The following CLVS1 variants were observed in gnomAD, a reference collection of about 807,000 sequenced individuals.
CLVS1 encodes clavesin 1.
CLVS1 carries 10 observed loss-of-function variants against 33.1 expected under a neutral mutation model. That is an observed-to-expected ratio of 0.30 (90% CI 0.19 to 0.51). The LOEUF is 0.51. Ranked by LOEUF, CLVS1 falls within the 20% of genes least tolerant of loss-of-function variation. The probability of loss-of-function intolerance (pLI) is 0.97; values close to 1 mark genes in which losing one functional copy is unlikely to be tolerated. For synonymous variants in CLVS1, 163 were observed against 166.1 expected, an observed-to-expected ratio of 0.98 and a Z score of 0.14; for missense variants, 343 against 433.4, an observed-to-expected ratio of 0.79 and a Z score of 1.85.
chr8:60,969,479 G>A, the CLVS1 span, among the ~76,000 whole-genome samples: 1 of 152,130 alleles, frequency 6.6e-6, no homozygotes, highest in Non-Finnish European at 1.5e-5. Context: ...TACGATCTCT[G>A]TTTTAATATT....
chr8:61,415,003 G>A (rs1585938176), intron 3 of CLVS1, among the ~76,000 whole-genome samples: 2 of 152,344 alleles, frequency 1.3e-5, no homozygotes, highest in South Asian at 4.1e-4. Flanking sequence ...GCCATTTGAG[G>A]TTGGGAAATG....
intron 2 of CLVS1, among the ~76,000 whole-genome samples, chr8:61,351,412 T>G (rs1812456413): frequency 1.3e-5 from 2 of 151,966 alleles, no homozygotes; most frequent in Admixed American, 1.3e-4. Context: ...GAAAATATAC[T>G]GGAAAAGTAA....
chr8:61,283,760 T>A (rs1328637373), upstream of CLVS1, among the ~76,000 whole-genome samples: 1 of 152,208 alleles, frequency 6.6e-6, no homozygotes, highest in Non-Finnish European at 1.5e-5. Context: ...GTTTATTTAT[T>A]ATTGAAGCAC....
At chr8:61,494,568 C>T (rs2129608748) in intron 5 of CLVS1, among the ~76,000 whole-genome samples, 1 of 152,240 alleles carries the variant, frequency 6.6e-6, no homozygotes, top group African/African-American at 2.4e-5. Flanking sequence ...GTGATCTGGA[C>T]AACAAAGCCT....
chr8:61,400,674 A>G (rs574466065), intron 3 of CLVS1, among the ~76,000 whole-genome samples: 12 of 152,044 alleles, frequency 7.9e-5, no homozygotes, highest in Non-Finnish European at 1.3e-4. Context: ...TGGCTTTTTC[A>G]TATATGGCTC....
At chr8:61,162,478 GC>G (rs1476356603) in intron 2 of CLVS1, among the ~76,000 whole-genome samples, 1 of 152,136 alleles carries the variant, frequency 6.6e-6, no homozygotes, top group Non-Finnish European at 1.5e-5. Flanking sequence ...TGAAAAACCA[GC>G]AAAAATGGGA....
the CLVS1 span, among the ~76,000 whole-genome samples, chr8:60,992,481 G>A: frequency 6.6e-6 from 1 of 152,242 alleles, no homozygotes; most frequent in Non-Finnish European, 1.5e-5. Context: ...AGACGTGGAT[G>A]AGACGTAAAC....
intron 2 of CLVS1, among the ~76,000 whole-genome samples, chr8:61,235,973 C>A (rs2931352): frequency 0.4 from 61,052 of 151,956 alleles, 12,490 homozygotes; most frequent in Admixed American, 0.42. Context: ...AGGTTTCAGA[C>A]CCATGAAATT....
intron 3 of CLVS1, among the ~76,000 whole-genome samples, chr8:61,436,933 C>T (rs980909585): frequency 6.6e-6 from 1 of 152,072 alleles, no homozygotes; most frequent in Non-Finnish European, 1.5e-5. Flanking sequence ...AAAGAAAGGC[C>T]AGATGCTTGA....
chr8:61,071,544 C>G (rs1259571325), intron 1 of CLVS1, among the ~76,000 whole-genome samples: 3 of 152,196 alleles, frequency 2.0e-5, no homozygotes, highest in Non-Finnish European at 4.4e-5. Flanking sequence ...ACAATAATCT[C>G]CCCAGCTCAA....
the CLVS1 span, among the ~76,000 whole-genome samples, chr8:61,029,927 T>C: frequency 2.0e-5 from 3 of 152,184 alleles, no homozygotes; most frequent in Non-Finnish European, 2.9e-5. Flanking sequence ...GACAGTTTTC[T>C]GGGAGGAAAG....
intron 2 of CLVS1, among the ~76,000 whole-genome samples, chr8:61,267,991 T>C (rs1434813647): frequency 8.5e-5 from 13 of 152,194 alleles, no homozygotes. Flanking sequence ...CCCTGCTGGA[T>C]ACTCAACACA....
chr8:61,459,336 C>T (rs2129607234), intron 5 of CLVS1, among the ~76,000 whole-genome samples: 1 of 151,976 alleles, frequency 6.6e-6, no homozygotes, highest in African/African-American at 2.4e-5. Flanking sequence ...AAAATTAAAA[C>T]CTGATTTTTA....
intron 3 of CLVS1, among the ~76,000 whole-genome samples, chr8:61,446,640 G>A (rs951097674): frequency 1.1e-4 from 16 of 151,944 alleles, no homozygotes; most frequent in African/African-American, 3.6e-4. Context: ...TCTACAAATG[G>A]TTTTATTCAT....
chr8:61,310,644 C>T (rs531666865), intron 2 of CLVS1, among the ~76,000 whole-genome samples: 32 of 152,274 alleles, frequency 2.1e-4, no homozygotes, highest in Admixed American at 1.7e-3. Context: ...AGAAACCTAG[C>T]GAACCAAATG....
chr8:61,454,335 C>G (rs1817072486), intron 4 of CLVS1, 84 bp downstream of exon 4: 9 of 966,360 alleles, frequency 9.3e-6, no homozygotes, highest in Non-Finnish European at 1.3e-5. Flanking sequence ...CTCCTTTCCC[C>G]CCTTTTTCTC....
In CLVS1 at chr8:61,484,793, A is replaced by G. The variant is rs1346082311; in HGVS notation, c.978-14662A>G. 5.9e-5 allele frequency among the ~76,000 whole-genome samples: 9 copies of G among 152,216 alleles called. No homozygotes were observed. In the East Asian group the frequency reaches 1.3e-3, roughly 23 times the overall value. Reference sequence around the variant, plus strand: ...AGAGCCCTTGGAAATAATACCACACATCTACAACCACCTGATCTTTGACAA... The same window carrying G: ...AGAGCCCTTGGAAATAATACCACACGTCTACAACCACCTGATCTTTGACAA... On this transcript the variant is annotated intron_variant, in intron 5 of 5. Transcript: ENST00000325897.
chr8:61,227,294 C>CTT (rs11452736), intron 2 of CLVS1, among the ~76,000 whole-genome samples: 94 of 143,062 alleles, frequency 6.6e-4, no homozygotes, highest in South Asian at 1.1e-3. Context: ...GCGAGAAATG[C>CTT]TTTTTTTTTT....
the CLVS1 span, among the ~76,000 whole-genome samples, chr8:61,010,353 G>A: frequency 6.6e-6 from 1 of 152,164 alleles, no homozygotes; most frequent in African/African-American, 2.4e-5. Context: ...ATAAAATACA[G>A]GACAACCGGA....
Sources: allele counts gnomAD v4.1 joint callset (sites outside exome capture counted in the v4.1 genomes callset), GRCh38; gene constraint gnomAD v4.1.1; transcripts MANE v1.5; gene names NCBI Gene and HGNC (gene_info 2026-07-23, HGNC 2026-07-21).